The following LIME1 variants were observed in gnomAD, a reference collection of about 807,000 sequenced individuals.
LIME1 encodes Lck interacting transmembrane adaptor 1.
In LIME1, 23 loss-of-function variants were observed where a neutral mutation model predicts 18.8. The observed-to-expected ratio is 1.22, with a 90% CI of 0.88 to 1.73. The LOEUF is 1.73. Ranked by LOEUF, LIME1 falls within the 40% of genes most tolerant of loss-of-function variation. LIME1 has a pLI of 0.00. For missense variants in LIME1, 423 were observed against 396.8 expected, an observed-to-expected ratio of 1.07 and a Z score of -0.56; for synonymous variants, 177 against 182.3, an observed-to-expected ratio of 0.97 and a Z score of 0.23.
chr20:63,736,281 G>C (rs1056118112), upstream of LIME1: 1 of 226,712 alleles, frequency 4.4e-6, no homozygotes, highest in South Asian at 5.7e-5. Context: ...AAGGCAGATC[G>C]GAGGCCAGGG....
chr20:63,736,667 C>A lies in LIME1; in HGVS notation c.-63C>A. ...CAGCCGAGGGCTGCACAAAGACCTT[C>A]CTGGCCTGCCCCAGACAGAGCTGAG... On this transcript the variant is annotated 5_prime_UTR_variant, in exon 1 of 6. Transcript: ENST00000309546. 1 of 985,784 alleles carries A rather than the reference C, an allele frequency of 1.0e-6. No homozygotes were observed. Among genetic ancestry groups the A allele is most frequent in the Non-Finnish European group, 1.2e-6 (1 of 830,216 alleles). The allele number at this position is 985,784 out of a possible 1,614,324, so 61.1% of individuals were successfully genotyped here.
Position 63,736,722 on chromosome 20 carries a change from C to CT in LIME1, c.-18+11dup. The CT allele has an allele frequency of 1.0e-6, 1 of 985,752 alleles. No homozygotes were observed. Among genetic ancestry groups the CT allele is most frequent in the Non-Finnish European group, 1.2e-6 (1 of 830,186 alleles). 61.1% of individuals were successfully genotyped at this position (985,752 alleles called of 1,614,324 possible). On this transcript the variant is annotated intron_variant, in intron 1 of 5. Coordinates refer to ENST00000309546, the MANE Select transcript of LIME1 (RefSeq NM_017806.4). ...CCTGGCCGTGGGCTTGGTAAGTGCC[C>CT]TCCTGGGGGGCAGCTGGGGTCTGGG...
chr20:63,737,467 T>G, intron 1 of LIME1, 66 bp from the exon 2 acceptor site: 1 of 1,402,348 alleles, frequency 7.1e-7, no homozygotes, highest in Non-Finnish European at 9.3e-7. Context: ...AGGTGCAGAT[T>G]TGGGGCTGCC....
rs1177606756 is a variant in LIME1, at chr20:63,738,175, A to G, written c.269-8A>G. The G allele has an allele frequency of 1.2e-5, 18 of 1,557,294 alleles. No individual in the cohort carries two copies. The highest frequency in any genetic ancestry group is 1.6e-5 in the Non-Finnish European group (18 of 1,156,764). On this transcript the variant is annotated splice_polypyrimidine_tract_variant and splice_region_variant and intron_variant, in intron 4 of 5. Coordinates refer to ENST00000309546, the MANE Select transcript of LIME1 (RefSeq NM_017806.4). Reference sequence around the variant, plus strand: ...CCGGAGTGAACTCTGCCCTGACCCCACCCCCAGCCCTGCGGCCTGCCAGCA... The same window carrying G: ...CCGGAGTGAACTCTGCCCTGACCCCGCCCCCAGCCCTGCGGCCTGCCAGCA...
rs528223756 is a variant in LIME1 at position 63,737,349 on chromosome 20, C to T, written c.-17-184C>T. 33 of 1,323,030 alleles carry T rather than the reference C, an allele frequency of 2.5e-5. No homozygotes were observed. The South Asian group carries it at 6.7e-4, about 27-fold the overall frequency. 82.0% of individuals were successfully genotyped at this position (1,323,030 alleles called of 1,614,324 possible). A position where few individuals can be genotyped will look rare whatever the true frequency, so the allele number is the denominator to read the frequency against. Reference sequence around the variant, plus strand: ...AGCCCTAGTTCACCTCACCGGGAGCCCCCGCCAGAAGGTGGGCACCTCTGG... The same window carrying T: ...AGCCCTAGTTCACCTCACCGGGAGCTCCCGCCAGAAGGTGGGCACCTCTGG... On this transcript the variant is annotated intron_variant, in intron 1 of 5. Transcript: ENST00000309546.
upstream of LIME1, chr20:63,735,797 G>A (rs1481336212): frequency 1.2e-6 from 2 of 1,608,186 alleles, no homozygotes; most frequent in Non-Finnish European, 1.7e-6. Context: ...CGTGGCGTCA[G>A]CCCAGCTGCA....
chr20:63,737,890 G>A lies in LIME1; in HGVS notation c.168G>A (p.Thr56=). ...RQRARLQGSA[T]AAEASLLRRT... is the part of the protein sequence containing the mutation. ...GGGCGAGGCTGCAGGGCAGTGCGAC[G>A]GCGGCGGAAGCGGTGAGTGCCAGGC... The change falls in exon 3 of 6, where the codon ACG becomes ACA. Residue 56 remains threonine, a synonymous_variant. Coordinates refer to ENST00000309546, the MANE Select transcript of LIME1 (RefSeq NM_017806.4). 6.3e-7 allele frequency: 1 copy of A among 1,580,934 alleles called. No homozygotes were observed.
rs553213752 is a variant in LIME1 at position 63,737,044 on chromosome 20, G to C, written c.-18+332G>C. Reference sequence around the variant, plus strand: ...CTGCTGCCTGCTGACCCAGCCTCCAGCTCCTCCGGGTGCAGGGTCCCTCCT... The same window carrying C: ...CTGCTGCCTGCTGACCCAGCCTCCACCTCCTCCGGGTGCAGGGTCCCTCCT... On this transcript the variant is annotated intron_variant, in intron 1 of 5. Coordinates refer to ENST00000309546, the MANE Select transcript of LIME1 (RefSeq NM_017806.4). The C allele has an allele frequency of 3.0e-6, 3 of 986,818 alleles. No individual in the cohort carries two copies. The Admixed American group carries it at 1.8e-4, about 61-fold the overall frequency. The allele number at this position is 986,818 out of a possible 1,614,324, so 61.1% of individuals were successfully genotyped here.
intron 1 of LIME1, 41 bp from the exon 2 acceptor site, chr20:63,737,491 TC>T: frequency 7.0e-7 from 1 of 1,420,572 alleles, no homozygotes; most frequent in South Asian, 1.5e-5. Context: ...TGGCGCCAGG[TC>T]CCCTTGGCCA....
intron 1 of LIME1, 133 bp downstream of exon 1, chr20:63,736,845 C>T: frequency 1.0e-6 from 1 of 986,806 alleles, no homozygotes; most frequent in Non-Finnish European, 1.2e-6. Context: ...GACCACCCCT[C>T]ACCCCCCAGC....
chr20:63,736,497 TGCGG>T, upstream of LIME1: 1 of 430,088 alleles, frequency 2.3e-6, no homozygotes, highest in Non-Finnish European at 3.1e-6. Flanking sequence ...GTCAGAACAG[TGCGG>T]GCTAGAGGCG....
In LIME1 at chr20:63,738,198, G is replaced by C. The variant is rs1443347521; in HGVS notation, c.284G>C (p.Ser95Thr). 12 of 1,582,336 alleles carry C rather than the reference G, an allele frequency of 7.6e-6. No homozygotes were observed. The highest frequency in any genetic ancestry group is 1.0e-5 in the Non-Finnish European group (12 of 1,169,662). ...CCACCCCCAGCCCTGCGGCCTGCCA[G>C]CATGGATCTCCTGCGCCCACACTGG... ...PRSSRALRPA[S>T]MDLLRPHWLE... The change falls in exon 5 of 6, where the codon AGC becomes ACC. Residue 95 changes from serine to threonine, a missense_variant. By Grantham distance (58) the Ser-to-Thr change is moderately conservative. Coordinates refer to ENST00000309546, the MANE Select transcript of LIME1 (RefSeq NM_017806.4).
At chr20:63,737,947 C>T in intron 3 of LIME1, 26 bp from the exon 4 acceptor site, 1 of 1,571,530 alleles carries the variant, frequency 6.4e-7, no homozygotes, top group Non-Finnish European at 8.6e-7. Flanking sequence ...GTCCGCAGGG[C>T]ACCGACCAGC....
rs1396776105 is a variant in LIME1, at chr20:63,739,004, C to T, written c.*104C>T. On this transcript the variant is annotated 3_prime_UTR_variant, in exon 6 of 6. Coordinates refer to ENST00000309546, the MANE Select transcript of LIME1 (RefSeq NM_017806.4). ...GTCCCAGGTCCCCGGGCTGCCAGCC[C>T]GTGAGGTCCGTGAGGTCCTGGCCGC... 10 of 991,954 alleles carry T rather than the reference C, an allele frequency of 1.0e-5. No homozygotes were observed. The highest frequency in any genetic ancestry group is 3.0e-5 in the Admixed American group (1 of 33,726). The allele number at this position is 991,954 out of a possible 1,614,324, so 61.4% of individuals were successfully genotyped here.
chr20:63,738,033 C>T lies in LIME1; in HGVS notation c.241C>T (p.Leu81=), dbSNP rs771221192. The part of the protein sequence containing the change: ...LSKSDTRLHE[L]HRGPRSSRAL... ...CAAGTCGGACACCAGACTGCACGAG[C>T]TGCACCGGGGCCCGCGCAGCAGCAG... The change falls in exon 4 of 6, where the codon CTG becomes TTG. Residue 81 remains leucine (L), a synonymous_variant. Transcript: ENST00000309546. 6.4e-6 allele frequency: 10 copies of T among 1,554,196 alleles called. No individual in the cohort carries two copies. Among genetic ancestry groups the T allele is most frequent in the Non-Finnish European group, 8.7e-6 (10 of 1,153,916 alleles).
At position 63,738,139 on chromosome 20, in the gene LIME1, C is replaced by T. The variant is rs1443681676; in HGVS notation, c.269-44C>T. On this transcript the variant is annotated intron_variant, in intron 4 of 5. Coordinates refer to ENST00000309546, the MANE Select transcript of LIME1 (RefSeq NM_017806.4). ...GCCAACCCCTGGGCCAGACCCGCTC[C>T]TGCCCCCTGCCCGGAGTGAACTCTG... The T allele has an allele frequency of 4.6e-6, 7 of 1,531,878 alleles. No homozygotes were observed. The Admixed American group carries it at 5.9e-5, about 13-fold the overall frequency. 94.9% of individuals were successfully genotyped at this position (1,531,878 alleles called of 1,614,324 possible).
upstream of LIME1, chr20:63,736,356 G>A (rs1172012508): frequency 3.8e-5 from 7 of 185,300 alleles, no homozygotes; most frequent in East Asian, 6.7e-4. Context: ...CGGGCGAGAC[G>A]GGCGGGAGAG....
At chr20:63,737,217 C>G in intron 1 of LIME1, 1 of 1,098,328 alleles carries the variant, frequency 9.1e-7, no homozygotes, top group African/African-American at 1.6e-5. Flanking sequence ...TCCCCCGATG[C>G]TGGTTACTAT....
In LIME1 at chr20:63,738,029, C is replaced by T. The variant is rs1014521646; in HGVS notation, c.237C>T (p.His79=). The part of the protein sequence containing the change: ...CSLSKSDTRL[H]ELHRGPRSSR... ...TCAGCAAGTCGGACACCAGACTGCA[C>T]GAGCTGCACCGGGGCCCGCGCAGCA... Residue 79 remains histidine, a synonymous_variant, in exon 4 of 6, where the codon CAC becomes CAT. Coordinates refer to ENST00000309546, the MANE Select transcript of LIME1 (RefSeq NM_017806.4). 24 of 1,558,348 alleles carry T rather than the reference C, an allele frequency of 1.5e-5. No homozygotes were observed. Among genetic ancestry groups the T allele is most frequent in the Non-Finnish European group, 2.0e-5 (23 of 1,156,442 alleles).
Sources: gnomAD v4.1 joint callset for allele counts on GRCh38, gnomAD v4.1.1 for gene constraint, MANE v1.5 for transcripts, NCBI Gene and HGNC (gene_info 2026-07-23, HGNC 2026-07-21) for gene names.